NCR3LG1: variants seen among roughly 807,000 people sequenced by gnomAD.
The protein encoded by NCR3LG1 is natural killer cell cytotoxicity receptor 3 ligand 1.
NCR3LG1 carries 35 observed loss-of-function variants against 34.8 expected under a neutral mutation model. That is an observed-to-expected ratio of 1.01 (90% confidence interval 0.77 to 1.33). NCR3LG1 has a LOEUF of 1.33. NCR3LG1 is among the 40% of genes most tolerant of loss of function. The pLI is 0.00. For synonymous variants in NCR3LG1, 173 were observed against 163.6 expected (o/e 1.06, Z -0.44); for missense variants, 452 against 423.3 (o/e 1.07, Z -0.60).
At chr11:17,360,835 C>G (rs1447953468) in intron 2 of NCR3LG1, among the ~76,000 whole-genome samples, 1 of 152,178 alleles carries the variant, frequency 6.6e-6, no homozygotes, top group African/African-American at 2.4e-5. Flanking sequence ...CTCCTGGGCC[C>G]TGGCAATCCT....
At chr11:17,380,956 G>A (rs1428523466), downstream of NCR3LG1, 2 of 152,128 alleles carry the variant, frequency 1.3e-5, no homozygotes, top group Non-Finnish European at 2.9e-5. Context: ...TAGCCTATGG[G>A]AAAATTGGTT....
At chr11:17,363,677 C>A (rs10832776) in intron 2 of NCR3LG1, among the ~76,000 whole-genome samples, 106,986 of 151,172 alleles carry the variant, frequency 0.71, 39,275 homozygotes, top group African/African-American at 0.93. Flanking sequence ...TGCAGCTTCA[C>A]CCTAGTGGGC....
In NCR3LG1 at chr11:17,372,722, A is replaced by G. The variant is rs1029635938; in HGVS notation, c.*210A>G. On this transcript the variant is annotated 3_prime_UTR_variant, in exon 5 of 5. Transcript: ENST00000338965. ...ACTACAGAGAAACAGGTAGCCCTGC[A>G]GGCAGCAGAAAAATTCAGAGATGAA... 1 of 503,504 alleles carries G rather than the reference A, an allele frequency of 2.0e-6. No homozygotes were observed. Among genetic ancestry groups the G allele is most frequent in the Non-Finnish European group, 3.5e-6 (1 of 286,670 alleles). 31.2% of individuals were successfully genotyped at this position (503,504 alleles called of 1,614,324 possible).
downstream of NCR3LG1, among the ~76,000 whole-genome samples, chr11:17,378,023 T>C (rs1953492260): frequency 6.6e-6 from 1 of 152,202 alleles, no homozygotes; most frequent in African/African-American, 2.4e-5. Context: ...AGAGGCCTAT[T>C]CTGGTTTGCT....
At chr11:17,357,807 A>G (rs1591678831) in intron 2 of NCR3LG1, among the ~76,000 whole-genome samples, 1 of 152,198 alleles carries the variant, frequency 6.6e-6, no homozygotes, top group Admixed American at 6.5e-5. Flanking sequence ...CCAGGGCTCA[A>G]GTGATCCCCC....
intron 2 of NCR3LG1, among the ~76,000 whole-genome samples, chr11:17,358,077 G>A (rs1339595109): frequency 6.6e-6 from 1 of 152,156 alleles, no homozygotes; most frequent in Non-Finnish European, 1.5e-5. Flanking sequence ...TGCAAAAATA[G>A]TATGAGAGTT....
chr11:17,365,234 G>GC (rs1417102612), intron 2 of NCR3LG1, among the ~76,000 whole-genome samples: 2 of 152,114 alleles, frequency 1.3e-5, no homozygotes, highest in African/African-American at 4.8e-5. Flanking sequence ...GCTTATTGTA[G>GC]CTATAGGTGC....
At chr11:17,379,838 G>A (rs1953504610), downstream of NCR3LG1, among the ~76,000 whole-genome samples, 1 of 152,224 alleles carries the variant, frequency 6.6e-6, no homozygotes, top group South Asian at 2.1e-4. Flanking sequence ...CAACTCCTCA[G>A]GAAGCTGAGC....
At position 17,351,828 on chromosome 11, in the gene NCR3LG1, G is replaced by C; in HGVS notation, c.-142G>C. ...GTTGCCGAAGGGATCTGAAGAAGTGGGATGTGCAAAAGCGCCGGCTGGAAA... is the reference window on the plus strand; with the variant it reads ...GTTGCCGAAGGGATCTGAAGAAGTGCGATGTGCAAAAGCGCCGGCTGGAAA... On this transcript the variant is annotated 5_prime_UTR_variant, in exon 1 of 5. Transcript: ENST00000338965. 1 of 650,354 alleles carries C rather than the reference G, an allele frequency of 1.5e-6. No individual in the cohort carries two copies. The highest frequency in any genetic ancestry group is 2.7e-6 in the Non-Finnish European group (1 of 373,344). 40.3% of individuals were successfully genotyped at this position (650,354 alleles called of 1,614,324 possible).
At chr11:17,364,226 G>C (rs1039472582) in intron 2 of NCR3LG1, among the ~76,000 whole-genome samples, 1 of 151,870 alleles carries the variant, frequency 6.6e-6, no homozygotes, top group African/African-American at 2.4e-5. Context: ...ATAGGGTCTT[G>C]CTCTGTATCC....
chr11:17,354,879 T>C (rs1229779486), intron 1 of NCR3LG1, among the ~76,000 whole-genome samples: 1 of 152,190 alleles, frequency 6.6e-6, no homozygotes. Context: ...TATTTAGATA[T>C]GTTGGATGTG....
intron 2 of NCR3LG1, among the ~76,000 whole-genome samples, chr11:17,359,654 G>A (rs1178498020): frequency 1.3e-5 from 2 of 151,936 alleles, no homozygotes; most frequent in African/African-American, 4.8e-5. Context: ...TAGGATTACA[G>A]GTGCCCGCCA....
intron 1 of NCR3LG1, among the ~76,000 whole-genome samples, chr11:17,352,646 T>C (rs920893074): frequency 3.3e-5 from 5 of 152,082 alleles, no homozygotes; most frequent in African/African-American, 1.2e-4. Flanking sequence ...TCTCGCATCA[T>C]CCGAGGGGCC....
At chr11:17,378,902 A>C (rs1358597750), downstream of NCR3LG1, among the ~76,000 whole-genome samples, 3 of 152,216 alleles carry the variant, frequency 2.0e-5, no homozygotes, top group Non-Finnish European at 4.4e-5. Context: ...GGAAAATTCC[A>C]TTCCCTGAGA....
chr11:17,359,001 A>G, intron 2 of NCR3LG1, among the ~76,000 whole-genome samples: 1 of 152,064 alleles, frequency 6.6e-6, no homozygotes, highest in East Asian at 1.9e-4. Flanking sequence ...AGCACTTTTT[A>G]CATTTTGGCA....
At chr11:17,362,167 G>A (rs1237405370) in intron 2 of NCR3LG1, among the ~76,000 whole-genome samples, 3 of 152,156 alleles carry the variant, frequency 2.0e-5, no homozygotes, top group African/African-American at 4.8e-5. Context: ...TTTGCTAAGA[G>A]TTTTTCATAT....
At chr11:17,354,603 A>G (rs1953184983) in intron 1 of NCR3LG1, among the ~76,000 whole-genome samples, 2 of 138,292 alleles carry the variant, frequency 1.4e-5, no homozygotes, top group Middle Eastern at 3.5e-3. Flanking sequence ...TAAGAGTGAC[A>G]ATACAACTAG....
Position 17,368,933 on chromosome 11 carries a change from T to C in NCR3LG1, c.827T>C (p.Val276Ala). 1 of 1,534,700 alleles carries C rather than the reference T, an allele frequency of 6.5e-7. No homozygotes were observed. Among genetic ancestry groups the C allele is most frequent in the Non-Finnish European group, 8.7e-7 (1 of 1,145,638 alleles). Residue 276 changes from valine to alanine, a missense_variant, in exon 4 of 5, where the codon GTT (valine) becomes GCT (alanine). Physicochemically the swap from Val to Ala is moderately conservative, Grantham distance 64 (BLOSUM62 0). Transcript: ENST00000338965. ...WPISFIGVGL[V>A]LLIVLIPWKK... is the part of the protein sequence containing the mutation. ...ATTTCATTCATTGGTGTTGGACTGGTTTTATTAATTGTTTTGATTCCTTGG... is the reference window on the plus strand; with the variant it reads ...ATTTCATTCATTGGTGTTGGACTGGCTTTATTAATTGTTTTGATTCCTTGG...
intron 3 of NCR3LG1, among the ~76,000 whole-genome samples, chr11:17,368,565 T>C (rs933668446): frequency 6.6e-6 from 1 of 152,152 alleles, no homozygotes; most frequent in Non-Finnish European, 1.5e-5. Flanking sequence ...GGGTTGTCTA[T>C]GTGGTATGCA....
Sources: gnomAD v4.1 joint callset for allele counts (sites outside exome capture counted in the v4.1 genomes callset) on GRCh38, gnomAD v4.1.1 for gene constraint, MANE v1.5 for transcripts, NCBI Gene and HGNC (gene_info 2026-07-23, HGNC 2026-07-21) for gene names.